STXBP4: variants seen among roughly 807,000 people sequenced by gnomAD.
STXBP4 encodes the protein syntaxin binding protein 4.
Under a neutral mutation model 76.1 loss-of-function variants are expected in STXBP4, and 55 were observed. That is an observed-to-expected ratio of 0.72 (90% CI 0.58 to 0.91). STXBP4 has a LOEUF of 0.91. STXBP4 is among the 40% of genes least tolerant of loss of function. The probability of loss-of-function intolerance (pLI) is 0.00; values close to 1 mark genes in which losing one functional copy is unlikely to be tolerated. For synonymous variants in STXBP4, 201 were observed against 220.2 expected, an observed-to-expected ratio of 0.91 and a Z score of 0.77; for missense variants, 618 against 636.9, an observed-to-expected ratio of 0.97 and a Z score of 0.32.
At chr17:55,075,155 C>A (rs570677971) in intron 13 of STXBP4, among the ~76,000 whole-genome samples, 6 of 152,096 alleles carry the variant, frequency 3.9e-5, no homozygotes, top group Non-Finnish European at 7.4e-5. Context: ...CCACCCTTTC[C>A]CTCAGAGATA....
At chr17:55,068,409 A>G (rs1163538073) in intron 12 of STXBP4, among the ~76,000 whole-genome samples, 1 of 152,170 alleles carries the variant, frequency 6.6e-6, no homozygotes, top group African/African-American at 2.4e-5. Context: ...GTGTTAGCCT[A>G]ATTACAGATG....
At chr17:54,992,369 C>A (rs998281113) in intron 4 of STXBP4, among the ~76,000 whole-genome samples, 1 of 150,136 alleles carries the variant, frequency 6.7e-6, no homozygotes. Context: ...GAGGCATGAT[C>A]GTGCCACTGC....
At chr17:55,195,345 C>T in the STXBP4 span, among the ~76,000 whole-genome samples, 6 of 152,234 alleles carry the variant, frequency 3.9e-5, no homozygotes, top group Non-Finnish European at 5.9e-5. Flanking sequence ...CTGCTTACCC[C>T]AAATGGGAAC....
chr17:55,017,057 CAACAAGG>C (rs2078221086), intron 8 of STXBP4, among the ~76,000 whole-genome samples: 1 of 152,166 alleles, frequency 6.6e-6, no homozygotes, highest in Admixed American at 6.5e-5. Context: ...TTTGCACTGA[CAACAAGG>C]TAGTATTGGA....
At chr17:55,025,488 A>T (rs768974681) in intron 8 of STXBP4, among the ~76,000 whole-genome samples, 3 of 152,226 alleles carry the variant, frequency 2.0e-5, no homozygotes, top group Non-Finnish European at 4.4e-5. Flanking sequence ...ACAAAACCAC[A>T]TAATAGTCTT....
intron 12 of STXBP4, among the ~76,000 whole-genome samples, chr17:55,048,069 G>A (rs2078813388): frequency 6.6e-6 from 1 of 151,956 alleles, no homozygotes; most frequent in East Asian, 1.9e-4. Context: ...CGTATGTCAA[G>A]ACTTGGTGGT....
intron 1 of STXBP4, among the ~76,000 whole-genome samples, chr17:54,970,702 C>A (rs1169586890): frequency 6.6e-6 from 1 of 152,192 alleles, no homozygotes; most frequent in Non-Finnish European, 1.5e-5. Flanking sequence ...AGTACATTTC[C>A]ACTCACCATT....
At chr17:55,123,996 C>T (rs1307248838) in intron 16 of STXBP4, among the ~76,000 whole-genome samples, 1 of 151,978 alleles carries the variant, frequency 6.6e-6, no homozygotes, top group Non-Finnish European at 1.5e-5. Flanking sequence ...TCTATTAATA[C>T]CTTTTATTTG....
intron 16 of STXBP4, among the ~76,000 whole-genome samples, chr17:55,097,023 A>T (rs2079495837): frequency 6.6e-6 from 1 of 152,238 alleles, no homozygotes; most frequent in South Asian, 2.1e-4. Context: ...AAAAAAATGA[A>T]GATGTAAAGT....
At chr17:55,074,910 C>T (rs958091627) in intron 13 of STXBP4, among the ~76,000 whole-genome samples, 1 of 151,232 alleles carries the variant, frequency 6.6e-6, no homozygotes, top group African/African-American at 2.4e-5. Flanking sequence ...TTTTTTTAAT[C>T]ATGAGATTGC....
chr17:55,104,456 T>C (rs565036688), intron 16 of STXBP4, among the ~76,000 whole-genome samples: 6 of 152,330 alleles, frequency 3.9e-5, no homozygotes, highest in Middle Eastern at 6.8e-3. Flanking sequence ...TGAACCAGCC[T>C]TGCATCCCAG....
rs1334234255 is a variant in STXBP4, at chr17:55,162,309, C to G, written c.*2398C>G. The G allele has an allele frequency of 6.6e-6, 1 of 152,200 alleles. No individual in the cohort carries two copies. The highest frequency in any genetic ancestry group is 1.5e-5 in the Non-Finnish European group (1 of 68,034). The allele number at this position is 152,200 out of a possible 1,614,324, so 9.4% of individuals were successfully genotyped here. ...ATGTTTTGGCGAGTAGCCAGTCTTT[C>G]TTTAACATCAATCAACCGTAGCAAT... On this transcript the variant is annotated 3_prime_UTR_variant, in exon 18 of 18. Transcript: ENST00000376352.
chr17:55,019,409 A>G (rs549303099), intron 8 of STXBP4, among the ~76,000 whole-genome samples: 1 of 152,322 alleles, frequency 6.6e-6, no homozygotes, highest in South Asian at 2.1e-4. Flanking sequence ...ATTCCTTTGT[A>G]TATACAAAGC....
At chr17:55,071,358 C>T (rs934320885) in intron 12 of STXBP4, among the ~76,000 whole-genome samples, 4 of 152,034 alleles carry the variant, frequency 2.6e-5, no homozygotes, top group Non-Finnish European at 4.4e-5. Context: ...TTACTACTCC[C>T]GTCTTCCTGG....
chr17:55,070,953 TGCTAGATGCAGTG>T (rs1205720543), intron 12 of STXBP4, among the ~76,000 whole-genome samples: 1 of 152,172 alleles, frequency 6.6e-6, no homozygotes. Flanking sequence ...TAAACATGGT[TGCTAGATGCAGTG>T]GCTGCTAAAT....
intron 12 of STXBP4, among the ~76,000 whole-genome samples, chr17:55,057,018 A>G (rs2078932929): frequency 1.3e-5 from 2 of 152,160 alleles, no homozygotes; most frequent in Admixed American, 1.3e-4. Flanking sequence ...AGGTAAAGTC[A>G]TTATTTTTTA....
chr17:55,085,098 T>A (rs536205268), intron 16 of STXBP4, among the ~76,000 whole-genome samples: 261 of 151,904 alleles, frequency 1.7e-3, no homozygotes, highest in African/African-American at 6.0e-3. Context: ...CTCAGTAAAC[T>A]ATCACAAGAA....
intron 7 of STXBP4, among the ~76,000 whole-genome samples, chr17:55,001,489 A>G (rs2077914979): frequency 6.6e-6 from 1 of 152,184 alleles, no homozygotes; most frequent in African/African-American, 2.4e-5. Flanking sequence ...GAAGAAAAAA[A>G]GCCCCCTGAA....
rs2078800624 is a variant in STXBP4, at chr17:55,047,122, C to T, written c.979C>T (p.Gln327Ter). The change falls in exon 12 of 18, where the codon CAA becomes TAA. Residue 327 changes from glutamine to a stop codon, truncating the protein, a stop_gained. Coordinates refer to ENST00000376352, the MANE Select transcript of STXBP4 (RefSeq NM_178509.6). LOFTEE classifies it high-confidence loss of function. ...ATTGGAATCAGATAAGCAAAGGAAA[C>T]AATTGACAGAAGAGCTCCAGAATGT... ...KLLESDKQRK[Q>*]LTEELQNVKQ... is the part of the protein sequence containing the mutation. 6.2e-7 allele frequency: 1 copy of T among 1,606,192 alleles called. No homozygotes were observed. Among genetic ancestry groups the T allele is most frequent in the South Asian group, 1.1e-5 (1 of 90,488 alleles).
Sources: allele counts gnomAD v4.1 joint callset (sites outside exome capture counted in the v4.1 genomes callset), GRCh38; gene constraint gnomAD v4.1.1; transcripts MANE v1.5; gene names NCBI Gene and HGNC (gene_info 2026-07-23, HGNC 2026-07-21).